Variants in EYA4 observed in about 807,000 individuals in gnomAD.
EYA4 encodes EYA transcriptional coactivator and phosphatase 4.
Under a neutral mutation model 87.9 loss-of-function variants are expected in EYA4, and 31 were observed. The observed-to-expected ratio is 0.35, with a 90% CI of 0.27 to 0.48. The LOEUF (loss-of-function observed/expected upper bound fraction) is 0.48. Ranked by LOEUF, EYA4 falls within the 20% of genes least tolerant of loss-of-function variation. The pLI is 0.99. For synonymous variants in EYA4, 263 were observed against 270.6 expected, an observed-to-expected ratio of 0.97 and a Z score of 0.28; for missense variants, 678 against 761.4, an observed-to-expected ratio of 0.89 and a Z score of 1.29.
intron 1 of EYA4, among the ~76,000 whole-genome samples, chr6:133,242,396 G>C (rs115268161): frequency 0.021 from 3,242 of 152,304 alleles, 99 homozygotes; most frequent in African/African-American, 0.069. Flanking sequence ...GCCAGGGTCG[G>C]TGAAATTAGA....
chr6:133,475,360 C>T (rs1423251281), intron 11 of EYA4, among the ~76,000 whole-genome samples: 1 of 152,002 alleles, frequency 6.6e-6, no homozygotes, highest in African/African-American at 2.4e-5. Flanking sequence ...ATATTTTAAA[C>T]ATCTTTAAAA....
chr6:133,366,436 A>G (rs1784857551), intron 2 of EYA4, among the ~76,000 whole-genome samples: 1 of 152,146 alleles, frequency 6.6e-6, no homozygotes, highest in East Asian at 1.9e-4. Flanking sequence ...CACTATATAG[A>G]CAGTAGTTAA....
At chr6:133,244,716 A>G (rs1254198684) in intron 1 of EYA4, among the ~76,000 whole-genome samples, 1 of 151,700 alleles carries the variant, frequency 6.6e-6, no homozygotes, top group Non-Finnish European at 1.5e-5. Context: ...AATTTTACAT[A>G]GCCACGGGAA....
chr6:133,291,747 A>G (rs1778504939), intron 2 of EYA4, among the ~76,000 whole-genome samples: 1 of 152,184 alleles, frequency 6.6e-6, no homozygotes, highest in Non-Finnish European at 1.5e-5. Context: ...TTAGCCACTT[A>G]TAAAAGTGGT....
intron 3 of EYA4, among the ~76,000 whole-genome samples, chr6:133,442,070 TAA>T (rs1792360810): frequency 6.6e-6 from 1 of 152,078 alleles, no homozygotes; most frequent in Admixed American, 6.6e-5. Context: ...TCTTTTCCTA[TAA>T]GTTACTTAAT....
chr6:133,392,240 TTC>T (rs1787365659), intron 3 of EYA4, among the ~76,000 whole-genome samples: 1 of 152,170 alleles, frequency 6.6e-6, no homozygotes, highest in Non-Finnish European at 1.5e-5. Flanking sequence ...GCAAATTGCT[TTC>T]TCCATTTCCT....
intron 2 of EYA4, among the ~76,000 whole-genome samples, chr6:133,301,615 A>G (rs974645454): frequency 1.3e-5 from 2 of 152,254 alleles, no homozygotes; most frequent in African/African-American, 4.8e-5. Flanking sequence ...ACAATTGTAT[A>G]AAGAAGATGC....
intron 11 of EYA4, among the ~76,000 whole-genome samples, chr6:133,470,557 G>T (rs71576314): frequency 2.4e-5 from 1 of 41,842 alleles, no homozygotes; most frequent in Non-Finnish European, 4.1e-5. Context: ...TGGCTTAGGA[G>T]TGACTTGGCA....
chr6:133,505,446 A>G (rs1024248520), intron 13 of EYA4, among the ~76,000 whole-genome samples: 3 of 152,186 alleles, frequency 2.0e-5, no homozygotes, highest in African/African-American at 7.2e-5. Flanking sequence ...CACTTAGAGA[A>G]CTAATGTTCT....
At chr6:133,399,605 TA>T (rs1413426112) in intron 3 of EYA4, among the ~76,000 whole-genome samples, 3 of 152,200 alleles carry the variant, frequency 2.0e-5, no homozygotes, top group Non-Finnish European at 4.4e-5. Flanking sequence ...AATCAAAGTG[TA>T]AGTAGTTATA....
At chr6:133,254,935 G>A (rs538484784) in intron 1 of EYA4, among the ~76,000 whole-genome samples, 44 of 152,334 alleles carry the variant, frequency 2.9e-4, no homozygotes, top group Non-Finnish European at 5.3e-4. Context: ...CTGATGAGGA[G>A]TTGAGAATGC....
chr6:133,522,137 A>G (rs974399354), intron 17 of EYA4, among the ~76,000 whole-genome samples: 2 of 151,112 alleles, frequency 1.3e-5, no homozygotes, highest in Non-Finnish European at 2.9e-5. Context: ...AAAGGAAAAA[A>G]AAAAATTCTG....
At chr6:133,294,051 AT>A (rs1778733583) in intron 2 of EYA4, among the ~76,000 whole-genome samples, 4 of 90,714 alleles carry the variant, frequency 4.4e-5, no homozygotes, top group African/African-American at 8.2e-5. Context: ...ATATATATAT[AT>A]ATATATATAT....
At chr6:133,347,473 TAA>T (rs1314238403) in intron 2 of EYA4, among the ~76,000 whole-genome samples, 1 of 152,210 alleles carries the variant, frequency 6.6e-6, no homozygotes, top group Non-Finnish European at 1.5e-5. Context: ...AATGTACATT[TAA>T]AATGGTGATT....
intron 2 of EYA4, among the ~76,000 whole-genome samples, chr6:133,301,224 A>C (rs1779381214): frequency 6.6e-6 from 1 of 152,246 alleles, no homozygotes; most frequent in Non-Finnish European, 1.5e-5. Context: ...CATGTAAACT[A>C]TTCATTCAAA....
intron 11 of EYA4, among the ~76,000 whole-genome samples, chr6:133,481,046 G>GGTGGAAGGGAAGATGGGAGAGGT (rs1348472124): frequency 4.6e-5 from 7 of 152,004 alleles, no homozygotes; most frequent in East Asian, 1.9e-4. Flanking sequence ...AGATGAGAGA[G>GGTGGAAGGGAAGATGGGAGAGGT]GGTTTGACTA....
At chr6:133,308,725 G>T (rs1779998058) in intron 2 of EYA4, among the ~76,000 whole-genome samples, 1 of 152,178 alleles carries the variant, frequency 6.6e-6, no homozygotes, top group Non-Finnish European at 1.5e-5. Flanking sequence ...CATCCATGTT[G>T]CTGCAAAGGA....
intron 2 of EYA4, among the ~76,000 whole-genome samples, chr6:133,349,077 T>C (rs1783435092): frequency 2.0e-5 from 3 of 152,318 alleles, no homozygotes; most frequent in Admixed American, 6.5e-5. Context: ...GCCAGACGTA[T>C]GCACCTGCCT....
intron 2 of EYA4, among the ~76,000 whole-genome samples, 162 bp downstream of exon 2, chr6:133,274,975 T>C (rs1257785581): frequency 6.6e-6 from 1 of 152,216 alleles, no homozygotes; most frequent in Admixed American, 6.5e-5. Context: ...TTTGGAGATT[T>C]ATGCCGTTTC....
Sources: allele counts gnomAD v4.1 joint callset (sites outside exome capture counted in the v4.1 genomes callset), GRCh38; gene constraint gnomAD v4.1.1; transcripts MANE v1.5; gene names NCBI Gene and HGNC (gene_info 2026-07-23, HGNC 2026-07-21).